MCUB: variants seen among roughly 807,000 people sequenced by gnomAD.
MCUB encodes calcium uniporter regulatory subunit MCUb, mitochondrial.
In MCUB, 46 loss-of-function variants were observed where a neutral mutation model predicts 41.4. That is an observed-to-expected ratio of 1.11 (90% CI 0.88 to 1.42). The LOEUF is 1.42. MCUB is among the 40% of genes most tolerant of loss of function. The probability of loss-of-function intolerance (pLI) is 0.00; values close to 1 mark genes in which losing one functional copy is unlikely to be tolerated. For missense variants in MCUB, 403 were observed against 404.9 expected, an observed-to-expected ratio of 1.00 and a Z score of 0.04; for synonymous variants, 148 against 148.2, an observed-to-expected ratio of 1.00 and a Z score of 0.01.
chr4:109,654,510 G>C (rs6851356), intron 1 of MCUB, among the ~76,000 whole-genome samples: 106,771 of 151,738 alleles, frequency 0.7, 38,228 homozygotes, highest in African/African-American at 0.83. Context: ...ACTCGAGAGG[G>C]TGAGGCAGGA....
intron 1 of MCUB, among the ~76,000 whole-genome samples, chr4:109,560,685 C>G (rs1343152493): frequency 6.6e-6 from 1 of 152,138 alleles, no homozygotes; most frequent in African/African-American, 2.4e-5. Context: ...CTGGGGGTGC[C>G]TCACCCGGGC....
At chr4:109,665,003 T>C (rs1404504091) in intron 4 of MCUB, among the ~76,000 whole-genome samples, 2 of 152,272 alleles carry the variant, frequency 1.3e-5, no homozygotes, top group East Asian at 1.9e-4. Context: ...TCGAGCAGAA[T>C]GTAGAGAGAG....
chr4:109,660,451 A>G, intron 3 of MCUB, 86 bp downstream of exon 3: 1 of 650,594 alleles, frequency 1.5e-6, no homozygotes. Context: ...TTCTAGAAGT[A>G]CATTGTTTAA....
At chr4:109,568,232 G>T (rs1425862727) in intron 1 of MCUB, among the ~76,000 whole-genome samples, 3 of 152,110 alleles carry the variant, frequency 2.0e-5, no homozygotes. Flanking sequence ...ATAATAAACC[G>T]GTTTTCACTT....
At chr4:109,678,411 A>G (rs1469332692) in intron 4 of MCUB, among the ~76,000 whole-genome samples, 1 of 150,212 alleles carries the variant, frequency 6.7e-6, no homozygotes, top group Admixed American at 6.6e-5. Flanking sequence ...GCGGCCAGGC[A>G]GAGGCGCTCC....
At chr4:109,598,101 A>T (rs1727626401) in intron 1 of MCUB, among the ~76,000 whole-genome samples, 1 of 146,304 alleles carries the variant, frequency 6.8e-6, no homozygotes, top group South Asian at 2.3e-4. Context: ...GACGCTCCTC[A>T]CTTCCCAGAC....
chr4:109,573,199 T>C (rs1392933233), intron 1 of MCUB, among the ~76,000 whole-genome samples: 2 of 152,138 alleles, frequency 1.3e-5, no homozygotes, highest in East Asian at 3.9e-4. Flanking sequence ...ACGCCTGTAA[T>C]CCCAGCACTT....
At chr4:109,564,272 C>T (rs559370831) in intron 1 of MCUB, among the ~76,000 whole-genome samples, 2 of 152,212 alleles carry the variant, frequency 1.3e-5, no homozygotes, top group South Asian at 4.2e-4. Context: ...GCTGGGATTA[C>T]AGGCATGTGC....
chr4:109,673,968 A>G, intron 4 of MCUB: 1 of 871,998 alleles, frequency 1.1e-6, no homozygotes, highest in South Asian at 1.3e-5. Flanking sequence ...CAGTTGTTGC[A>G]TATGGATTAC....
At chr4:109,651,746 G>A (rs1728966080) in intron 1 of MCUB, among the ~76,000 whole-genome samples, 1 of 152,022 alleles carries the variant, frequency 6.6e-6, no homozygotes, top group Non-Finnish European at 1.5e-5. Flanking sequence ...TTCCATTCTT[G>A]CACAGGATAA....
At position 109,684,642 on chromosome 4, in the gene MCUB, G is replaced by T. The variant is rs201083400; in HGVS notation, c.812G>T (p.Arg271Leu). Reference protein sequence around the residue: ...MVFFAYFIVTRQDYTYSAVKS... With the variant: ...MVFFAYFIVTLQDYTYSAVKS... ...TTTTTTGCATACTTTATAGTCACTC[G>T]ACAGGTGAGTAGTTTGTTAGGAAAA... Residue 271 changes from arginine (R) to leucine (L), a missense_variant, in exon 6 of 8, where the codon CGA becomes CTA. By Grantham distance (102) the Arg-to-Leu change is moderately radical. Transcript: ENST00000394650. 4 of 1,408,946 alleles carry T rather than the reference G, an allele frequency of 2.8e-6. No homozygotes were observed. The African/African-American group carries it at 4.2e-5, about 15-fold the overall frequency. The allele number at this position is 1,408,946 out of a possible 1,614,324, so 87.3% of individuals were successfully genotyped here.
At chr4:109,587,817 T>C (rs2126127997) in intron 1 of MCUB, among the ~76,000 whole-genome samples, 1 of 152,332 alleles carries the variant, frequency 6.6e-6, no homozygotes, top group South Asian at 2.1e-4. Context: ...AGGCCTATCC[T>C]GGAAGCTTTG....
chr4:109,621,254 C>T (rs896332450), intron 1 of MCUB, among the ~76,000 whole-genome samples: 5 of 151,990 alleles, frequency 3.3e-5, no homozygotes, highest in African/African-American at 1.2e-4. Context: ...GATTGAATTT[C>T]TTGTTGTTTT....
intron 4 of MCUB, among the ~76,000 whole-genome samples, chr4:109,666,328 T>A (rs1428288167): frequency 6.6e-6 from 1 of 152,194 alleles, no homozygotes. Flanking sequence ...GGAACATGAT[T>A]GCTGGCACAT....
chr4:109,567,173 T>C, intron 1 of MCUB, among the ~76,000 whole-genome samples: 1 of 149,420 alleles, frequency 6.7e-6, no homozygotes, highest in Admixed American at 6.6e-5. Flanking sequence ...ACACAGGTGG[T>C]ATTATATTCA....
At chr4:109,613,638 G>A (rs774209693) in intron 1 of MCUB, among the ~76,000 whole-genome samples, 3 of 152,126 alleles carry the variant, frequency 2.0e-5, no homozygotes, top group Non-Finnish European at 4.4e-5. Context: ...CATGGAAGAC[G>A]CATCCCATCA....
At chr4:109,659,526 G>A (rs1472241483) in intron 2 of MCUB, among the ~76,000 whole-genome samples, 1 of 152,122 alleles carries the variant, frequency 6.6e-6, no homozygotes, top group Non-Finnish European at 1.5e-5. Context: ...GGAGGTAGAG[G>A]CTGCAGTGAG....
At chr4:109,648,724 C>CAAAAAAAA (rs59279944) in intron 1 of MCUB, 1 of 227,038 alleles carries the variant, frequency 4.4e-6, no homozygotes, top group Admixed American at 6.9e-5. Flanking sequence ...TACAGAGAAG[C>CAAAAAAAA]AAAAAAAAAA....
rs563580893 is a variant in MCUB, at chr4:109,577,699, C to T, written c.99+17263C>T. ...ATCTCGGCTCACTGCAGGCTCCGCC[C>T]CCCGGGGTTCACGCCATTCTCCTGC... On this transcript the variant is annotated intron_variant, in intron 1 of 7. Transcript: ENST00000394650. 7.6e-3 allele frequency among the ~76,000 whole-genome samples: 278 copies of T among 36,746 alleles called. 67 individuals are homozygous for T. The highest frequency in any genetic ancestry group is 0.015 in the African/African-American group (171 of 11,152). 24.1% of individuals were successfully genotyped at this position (36,746 alleles called of 152,430 possible).
Sources: gnomAD v4.1 joint callset for allele counts (sites outside exome capture counted in the v4.1 genomes callset) on GRCh38, gnomAD v4.1.1 for gene constraint, MANE v1.5 for transcripts, NCBI Gene and HGNC (gene_info 2026-07-23, HGNC 2026-07-21) for gene names.